The following MSI2 variants were observed in gnomAD, a reference collection of about 807,000 sequenced individuals.
MSI2 encodes the protein RNA-binding protein Musashi homolog 2.
A neutral mutation model predicts 45.6 loss-of-function variants in MSI2; 17 were observed. The observed-to-expected ratio is 0.37, with a 90% CI of 0.26 to 0.56. The LOEUF (loss-of-function observed/expected upper bound fraction) is 0.56. MSI2 is among the 20% of genes least tolerant of loss of function. The pLI, the probability that MSI2 is intolerant of heterozygous loss-of-function variation, is 0.77. For synonymous variants in MSI2, 156 were observed against 158.2 expected (o/e 0.99, Z 0.11); for missense variants, 293 against 444.2 (o/e 0.66, Z 3.06).
chr17:57,564,949 C>T (rs1275155970), intron 7 of MSI2, among the ~76,000 whole-genome samples: 1 of 152,188 alleles, frequency 6.6e-6, no homozygotes, highest in African/African-American at 2.4e-5. Context: ...GTTTCACCAC[C>T]TTCATTAACA....
At chr17:57,698,434 T>C in the MSI2 span, among the ~76,000 whole-genome samples, 1 of 152,196 alleles carries the variant, frequency 6.6e-6, no homozygotes, top group East Asian at 1.9e-4. Context: ...TATGTGAGGC[T>C]GAGCCTCCCT....
At chr17:57,501,711 G>T (rs551980262) in intron 6 of MSI2, among the ~76,000 whole-genome samples, 1 of 152,166 alleles carries the variant, frequency 6.6e-6, no homozygotes, top group African/African-American at 2.4e-5. Flanking sequence ...AAGTTCAGCC[G>T]TTGGCAACGA....
At chr17:57,363,435 T>C (rs1055268073) in intron 5 of MSI2, among the ~76,000 whole-genome samples, 3 of 152,172 alleles carry the variant, frequency 2.0e-5, no homozygotes, top group African/African-American at 7.2e-5. Flanking sequence ...ATGGATATTT[T>C]ACCACTGTAA....
At chr17:57,259,554 G>A (rs1369901374) in intron 4 of MSI2, among the ~76,000 whole-genome samples, 1 of 152,192 alleles carries the variant, frequency 6.6e-6, no homozygotes, top group Non-Finnish European at 1.5e-5. Context: ...AGGAATGCGT[G>A]CCTTCTCCTA....
At chr17:57,293,534 A>AT (rs1416495607) in intron 5 of MSI2, among the ~76,000 whole-genome samples, 13 of 150,374 alleles carry the variant, frequency 8.6e-5, no homozygotes, top group African/African-American at 3.2e-4. Context: ...TCTGATCATA[A>AT]TTTTTTCCTG....
intron 7 of MSI2, among the ~76,000 whole-genome samples, chr17:57,559,992 G>A (rs549496973): frequency 2.4e-4 from 36 of 152,368 alleles, no homozygotes; most frequent in Admixed American, 1.2e-3. Flanking sequence ...AGGATGCTGC[G>A]GGTTTTCTGA....
chr17:57,313,304 C>T (rs115164614), intron 5 of MSI2, among the ~76,000 whole-genome samples: 1,849 of 152,298 alleles, frequency 0.012, 39 homozygotes, highest in African/African-American at 0.042. Context: ...GCATAAAACA[C>T]GTCCACACTC....
chr17:57,394,693 A>G (rs1427918606), intron 5 of MSI2, among the ~76,000 whole-genome samples: 1 of 152,154 alleles, frequency 6.6e-6, no homozygotes, highest in Non-Finnish European at 1.5e-5. Context: ...GACAGGTGTC[A>G]TTTGACCATT....
chr17:57,458,613 G>C (rs542908404), intron 6 of MSI2, among the ~76,000 whole-genome samples: 1 of 152,288 alleles, frequency 6.6e-6, no homozygotes, highest in Admixed American at 6.5e-5. Flanking sequence ...TACATGGATG[G>C]AGAGCCCCTC....
At chr17:57,669,974 G>A (rs943890569) in intron 11 of MSI2, among the ~76,000 whole-genome samples, 67 of 152,314 alleles carry the variant, frequency 4.4e-4, no homozygotes, top group African/African-American at 1.5e-3. Flanking sequence ...GGCTGGCCCT[G>A]GCCTTTGCGG....
the MSI2 span, among the ~76,000 whole-genome samples, chr17:57,699,146 G>C: frequency 0.072 from 1,887 of 26,154 alleles, 385 homozygotes; most frequent in African/African-American, 0.28. Flanking sequence ...AGGAAGAGGC[G>C]AGGAGAGAGA....
chr17:57,577,490 G>T (rs1011492849), intron 7 of MSI2, among the ~76,000 whole-genome samples: 4 of 152,166 alleles, frequency 2.6e-5, no homozygotes, highest in African/African-American at 9.7e-5. Context: ...ATATCTTTAA[G>T]CCCTGGTCTC....
chr17:57,271,281 A>G (rs1437921387), intron 5 of MSI2, among the ~76,000 whole-genome samples: 1 of 152,182 alleles, frequency 6.6e-6, no homozygotes, highest in Non-Finnish European at 1.5e-5. Flanking sequence ...AATCTAAGGC[A>G]TTAGGAGAAT....
intron 6 of MSI2, among the ~76,000 whole-genome samples, chr17:57,406,582 G>A (rs545144224): frequency 3.3e-5 from 5 of 152,252 alleles, no homozygotes; most frequent in Admixed American, 2.0e-4. Flanking sequence ...AAAGCAGCCC[G>A]CATTTGGAGG....
At chr17:57,573,970 C>T (rs573301637) in intron 7 of MSI2, among the ~76,000 whole-genome samples, 3 of 152,200 alleles carry the variant, frequency 2.0e-5, no homozygotes, top group East Asian at 3.9e-4. Context: ...GTGGTTGTGA[C>T]GATAATGATG....
chr17:57,467,929 C>G lies in MSI2; in HGVS notation c.406-61747C>G, dbSNP rs1236227394. 9.0e-5 allele frequency among the ~76,000 whole-genome samples: 13 copies of G among 143,850 alleles called. No individual in the cohort carries two copies. The Admixed American group carries it at 9.8e-4, about 11-fold the overall frequency. The allele number at this position is 143,850 out of a possible 152,430, so 94.4% of individuals were successfully genotyped here. On this transcript the variant is annotated intron_variant, in intron 6 of 13. Coordinates refer to ENST00000284073, the MANE Select transcript of MSI2 (RefSeq NM_138962.4). ...CAGTCTCTGGCCCATTTTTAGGTAT[C>G]TGGCAGTCCCCTGCCAGAGCCAGAT...
At chr17:57,558,302 T>G (rs1192092332) in intron 7 of MSI2, among the ~76,000 whole-genome samples, 1 of 152,162 alleles carries the variant, frequency 6.6e-6, no homozygotes, top group Non-Finnish European at 1.5e-5. Context: ...GAGAACAGTC[T>G]TTTTAAAAAG....
chr17:57,538,697 G>C (rs2086975492), intron 7 of MSI2, among the ~76,000 whole-genome samples: 1 of 152,164 alleles, frequency 6.6e-6, no homozygotes. Flanking sequence ...CCCTAGTCTT[G>C]AAAAATAAAA....
At chr17:57,564,292 G>A (rs2087673465) in intron 7 of MSI2, among the ~76,000 whole-genome samples, 2 of 152,220 alleles carry the variant, frequency 1.3e-5, no homozygotes, top group East Asian at 1.9e-4. Flanking sequence ...CAGGCATCAC[G>A]TGACTCCTAG....
Sources: gnomAD v4.1 joint callset for allele counts (sites outside exome capture counted in the v4.1 genomes callset) on GRCh38, gnomAD v4.1.1 for gene constraint, MANE v1.5 for transcripts, NCBI Gene and HGNC (gene_info 2026-07-23, HGNC 2026-07-21) for gene names.